The following RANBP2 variants were observed in gnomAD, a reference collection of about 807,000 sequenced individuals.
RANBP2 encodes E3 SUMO-protein ligase RanBP2.
A neutral mutation model predicts 303.6 loss-of-function variants in RANBP2; 57 were observed. The ratio of observed to expected loss-of-function variants is 0.19; its 90% CI spans 0.15 to 0.23. RANBP2 has a LOEUF of 0.23. RANBP2 is among the 10% of genes least tolerant of loss of function. The probability of loss-of-function intolerance (pLI) is 1.00; values close to 1 mark genes in which losing one functional copy is unlikely to be tolerated. For missense variants in RANBP2, 3,138 were observed against 3,780.8 expected, an observed-to-expected ratio of 0.83 and a Z score of 4.46; for synonymous variants, 1,167 against 1,301.5, an observed-to-expected ratio of 0.90 and a Z score of 2.23.
At chr2:108,791,459 A>G in the RANBP2 span, 2 of 545,706 alleles carry the variant, frequency 3.7e-6, no homozygotes, top group Non-Finnish European at 6.8e-6. Flanking sequence ...AATTAAGTCT[A>G]TTTAATGTGT....
intron 17 of RANBP2, among the ~76,000 whole-genome samples, chr2:108,757,004 A>C (rs200823734): frequency 8.2e-4 from 124 of 151,870 alleles, no homozygotes; most frequent in Non-Finnish European, 1.5e-3. Context: ...AAATTGAGAT[A>C]GTTTTGGACC....
chr2:108,880,551 GTTAGAGT>G, the RANBP2 span, among the ~76,000 whole-genome samples: 1 of 152,132 alleles, frequency 6.6e-6, no homozygotes, highest in African/African-American at 2.4e-5. Flanking sequence ...TGACTCTCTT[GTTAGAGT>G]TTAATGGAGC....
chr2:108,768,022 G>GT lies in RANBP2; in HGVS notation c.7485dup (p.Glu2496Ter). ...TGATGTAGCAGATGCAACTTCAGAA[G>GT]TTGAAGTGTCTAGCACATCTGAAAC... On this transcript the variant is annotated frameshift_variant, in exon 20 of 29. Coordinates refer to ENST00000283195, the MANE Select transcript of RANBP2 (RefSeq NM_006267.5). LOFTEE classifies it high-confidence loss of function. The GT allele has an allele frequency of 6.2e-7, 1 of 1,612,000 alleles. No homozygotes were observed. Among genetic ancestry groups the GT allele is most frequent in the South Asian group, 1.1e-5 (1 of 90,992 alleles).
chr2:108,872,552 A>G, the RANBP2 span, among the ~76,000 whole-genome samples: 3 of 152,136 alleles, frequency 2.0e-5, no homozygotes, highest in Admixed American at 6.5e-5. Flanking sequence ...GTAAGTTAAA[A>G]TGAACAGAAC....
At chr2:109,710,197 C>A in the RANBP2 span, among the ~76,000 whole-genome samples, 1 of 150,914 alleles carries the variant, frequency 6.6e-6, no homozygotes, top group African/African-American at 2.4e-5. Flanking sequence ...GTCTGGCCAA[C>A]GCGGTGAAAA....
At chr2:109,172,362 A>G in the RANBP2 span, among the ~76,000 whole-genome samples, 3 of 152,202 alleles carry the variant, frequency 2.0e-5, no homozygotes, top group African/African-American at 7.2e-5. Context: ...CCTCTTCACC[A>G]TGCACGGAGC....
the RANBP2 span, chr2:109,585,074 G>GA: frequency 8.7e-7 from 1 of 1,148,936 alleles, no homozygotes; most frequent in Non-Finnish European, 1.2e-6. Flanking sequence ...GCTATAAGGC[G>GA]AATGTCTTGA....
the RANBP2 span, among the ~76,000 whole-genome samples, chr2:109,374,096 A>G: frequency 1.3e-5 from 2 of 152,260 alleles, no homozygotes; most frequent in East Asian, 3.9e-4. Context: ...GGAGGGCTCC[A>G]TAGCCCCACC....
the RANBP2 span, chr2:109,553,362 T>C: frequency 2.8e-3 from 1,951 of 702,196 alleles, 10 homozygotes; most frequent in Non-Finnish European, 3.4e-3. Flanking sequence ...CTGGCCAACA[T>C]AGTGAAACCC....
the RANBP2 span, among the ~76,000 whole-genome samples, chr2:108,851,100 G>C: frequency 1.3e-5 from 2 of 152,068 alleles, no homozygotes; most frequent in South Asian, 4.1e-4. Context: ...GTAGCTCATA[G>C]AACTCAGCGA....
the RANBP2 span, chr2:108,856,999 G>T: frequency 9.0e-7 from 1 of 1,114,510 alleles, no homozygotes; most frequent in African/African-American, 1.7e-5. Context: ...TATGTGTAAA[G>T]AAAGCAGGAT....
chr2:109,560,945 A>T, the RANBP2 span, among the ~76,000 whole-genome samples: 2 of 152,300 alleles, frequency 1.3e-5, no homozygotes, highest in East Asian at 3.9e-4. Flanking sequence ...TAGTCAAAGA[A>T]ATGCTCTCCT....
At chr2:109,065,958 A>C in the RANBP2 span, among the ~76,000 whole-genome samples, 1 of 151,892 alleles carries the variant, frequency 6.6e-6, no homozygotes, top group Non-Finnish European at 1.5e-5. Flanking sequence ...ATTTTTTTTG[A>C]CAGAGTTTCA....
chr2:109,533,899 G>A, the RANBP2 span, among the ~76,000 whole-genome samples: 4 of 152,078 alleles, frequency 2.6e-5, no homozygotes, highest in African/African-American at 7.2e-5. Context: ...CTTGTCTCCC[G>A]CCATGTGGAG....
the RANBP2 span, among the ~76,000 whole-genome samples, chr2:108,832,331 T>C: frequency 5.3e-5 from 8 of 149,564 alleles, no homozygotes; most frequent in African/African-American, 2.0e-4. Context: ...CTGGCCAGAA[T>C]TTGTATTTCT....
chr2:108,972,685 A>T, the RANBP2 span, among the ~76,000 whole-genome samples: 6 of 152,228 alleles, frequency 3.9e-5, no homozygotes, highest in Non-Finnish European at 7.3e-5. Flanking sequence ...AGAGAACTTG[A>T]CGTGATCATT....
the RANBP2 span, chr2:108,882,218 A>G: frequency 6.6e-6 from 1 of 152,166 alleles, no homozygotes; most frequent in Non-Finnish European, 1.5e-5. Context: ...TAATAACATA[A>G]TAGTAACAGA....
the RANBP2 span, among the ~76,000 whole-genome samples, chr2:109,408,653 TCAGA>T: frequency 6.6e-6 from 1 of 152,214 alleles, no homozygotes; most frequent in South Asian, 2.1e-4. Flanking sequence ...ACTGGCACTC[TCAGA>T]CAGAAGGATG....
the RANBP2 span, among the ~76,000 whole-genome samples, chr2:108,973,714 C>T: frequency 9.9e-5 from 15 of 152,210 alleles, no homozygotes; most frequent in African/African-American, 2.9e-4. Flanking sequence ...ACCTCCACAC[C>T]GACTACAAAA....
Sources: allele counts gnomAD v4.1 joint callset (sites outside exome capture counted in the v4.1 genomes callset), GRCh38; gene constraint gnomAD v4.1.1; transcripts MANE v1.5; gene names NCBI Gene and HGNC (gene_info 2026-07-23, HGNC 2026-07-21).